The following BOLL variants were observed in gnomAD, a reference collection of about 807,000 sequenced individuals.
BOLL encodes the protein protein boule-like.
Under a neutral mutation model 44.4 loss-of-function variants are expected in BOLL, and 23 were observed. The observed-to-expected ratio is 0.52, with a 90% CI of 0.37 to 0.73. The LOEUF is 0.73. BOLL is among the 30% of genes least tolerant of loss of function. The pLI is 0.00. For missense variants in BOLL, 287 were observed against 338.3 expected (o/e 0.85, Z 1.19); for synonymous variants, 97 against 110.8 (o/e 0.88, Z 0.78).
chr2:197,735,565 G>T (rs2106316584), intron 10 of BOLL, among the ~76,000 whole-genome samples: 1 of 152,230 alleles, frequency 6.6e-6, no homozygotes, highest in East Asian at 1.9e-4. Context: ...GTATAGTTTA[G>T]ACGACTGTAC....
intron 10 of BOLL, among the ~76,000 whole-genome samples, chr2:197,731,382 A>G (rs1022458034): frequency 6.8e-6 from 1 of 146,178 alleles, no homozygotes; most frequent in Non-Finnish European, 1.5e-5. Flanking sequence ...TTAACACCCC[A>G]CTGTCAACAT....
chr2:197,749,116 C>A (rs1262011456), intron 9 of BOLL, among the ~76,000 whole-genome samples: 1 of 152,202 alleles, frequency 6.6e-6, no homozygotes, highest in Non-Finnish European at 1.5e-5. Context: ...GGATCTCCAG[C>A]AAACTCCTAC....
chr2:197,778,270 C>G (rs1292038907), intron 3 of BOLL, among the ~76,000 whole-genome samples: 1 of 151,822 alleles, frequency 6.6e-6, no homozygotes, highest in Non-Finnish European at 1.5e-5. Flanking sequence ...TTTTCTTATG[C>G]CTATAAATAT....
intron 10 of BOLL, among the ~76,000 whole-genome samples, chr2:197,734,520 C>T (rs1004474609): frequency 2.6e-5 from 4 of 151,872 alleles, no homozygotes; most frequent in Non-Finnish European, 2.9e-5. Flanking sequence ...GTATGTTTAT[C>T]ACGGCACTAT....
Position 197,728,717 on chromosome 2 carries a change from C to T in BOLL, c.829-139G>A, listed in dbSNP as rs147898891. The T allele has an allele frequency of 2.6e-3, 1,565 of 610,308 alleles. 46 individuals are homozygous for T. In the Admixed American group the frequency reaches 0.05, roughly 20 times the overall value. 37.8% of individuals were successfully genotyped at this position (610,308 alleles called of 1,614,324 possible). A position where few individuals can be genotyped will look rare whatever the true frequency, so the allele number is the denominator to read the frequency against. On this transcript the variant is annotated intron_variant, in intron 10 of 10. Transcript: ENST00000392296. ...TGGTACCAATTAAATTAGAATGTTA[C>T]AAAGTGAGAGGCTAGCAATTTAGGA...
rs1689584226 is a variant in BOLL, at chr2:197,777,759, A to G, written c.222-646T>C. 2.6e-5 allele frequency among the ~76,000 whole-genome samples: 4 copies of G among 151,980 alleles called. No homozygotes were observed. The South Asian group carries it at 6.2e-4, about 24-fold the overall frequency. ...GTCCAAAAAGCCACAATAGGTAGAG[A>G]AAAAAGTAACAAAAGAAAGAAAAAA... On this transcript the variant is annotated intron_variant, in intron 3 of 10. Coordinates refer to ENST00000392296, the MANE Select transcript of BOLL (RefSeq NM_033030.6).
At chr2:197,762,935 CA>C (rs1663494031) in intron 7 of BOLL, among the ~76,000 whole-genome samples, 2 of 151,780 alleles carry the variant, frequency 1.3e-5, no homozygotes, top group African/African-American at 4.8e-5. Context: ...ATTAACAAAA[CA>C]AAAGGTTGAC....
chr2:197,726,994 G>T lies in BOLL; in HGVS notation c.*1561C>A, dbSNP rs905649267. The T allele has an allele frequency of 1.3e-5, 2 of 152,566 alleles. No individual in the cohort carries two copies. Among genetic ancestry groups the T allele is most frequent in the Non-Finnish European group, 2.9e-5 (2 of 68,020 alleles). The allele number at this position is 152,566 out of a possible 1,614,324, so 9.5% of individuals were successfully genotyped here. On this transcript the variant is annotated 3_prime_UTR_variant, in exon 11 of 11. Coordinates refer to ENST00000392296, the MANE Select transcript of BOLL (RefSeq NM_033030.6). The stretch of plus-strand genomic sequence containing the variant: ...AAACTTTTTGGTTCTCAAGGATAGT[G>T]CTATTAAAAGAAAATCTTGAACATC...
At chr2:197,775,866 A>C in intron 4 of BOLL, 126 bp from the exon 5 acceptor site, 1 of 501,408 alleles carries the variant, frequency 2.0e-6, no homozygotes, top group East Asian at 3.8e-5. Context: ...AGCAGCAAGG[A>C]ATAGTGGGAA....
At chr2:197,778,864 G>T in intron 3 of BOLL, 111 bp downstream of exon 3, 2 of 784,222 alleles carry the variant, frequency 2.6e-6, no homozygotes, top group Non-Finnish European at 4.1e-6. Context: ...AAAGAAGAGG[G>T]CATGATGGTC....
rs1317427205 is a variant in BOLL, at chr2:197,766,622, A to G, written c.481-19T>C. 1 of 1,587,536 alleles carries G rather than the reference A, an allele frequency of 6.3e-7. No homozygotes were observed. ...AACGTGACTATAAAAGGATGGAAAAAGAAAAATTAGGCAGAAGCCTTTAAA... is the reference window on the plus strand; with the variant it reads ...AACGTGACTATAAAAGGATGGAAAAGGAAAAATTAGGCAGAAGCCTTTAAA... On this transcript the variant is annotated intron_variant, in intron 6 of 10. Coordinates refer to ENST00000392296, the MANE Select transcript of BOLL (RefSeq NM_033030.6).
At chr2:197,785,535 G>A (rs771018), upstream of BOLL, among the ~76,000 whole-genome samples, 75,104 of 151,968 alleles carry the variant, frequency 0.49, 19,229 homozygotes, top group African/African-American at 0.6. The surrounding 1 kb of genome is among the most constrained non-coding windows in gnomAD (Gnocchi z 6.7). Context: ...CAGACCTTCC[G>A]GTCCTCGCTG....
intron 10 of BOLL, among the ~76,000 whole-genome samples, chr2:197,738,505 A>G (rs16823400): frequency 0.19 from 29,195 of 152,036 alleles, 2,892 homozygotes; most frequent in East Asian, 0.27. Flanking sequence ...ATTTGATTTG[A>G]CAGAGTATGT....
rs923078388 is a variant in BOLL at position 197,785,248 on chromosome 2, C to T, written c.-208G>A. 9.4e-5 allele frequency: 93 copies of T among 985,756 alleles called. No homozygotes were observed. The highest frequency in any genetic ancestry group is 1.1e-4 in the Non-Finnish European group (91 of 829,926). 61.1% of individuals were successfully genotyped at this position (985,756 alleles called of 1,614,324 possible). On this transcript the variant is annotated 5_prime_UTR_variant, in exon 1 of 11. Coordinates refer to ENST00000392296, the MANE Select transcript of BOLL (RefSeq NM_033030.6). The surrounding 1 kb of genome is among the most constrained non-coding windows in gnomAD (Gnocchi z 6.7). ...AGGCTAGCCAGCGAGAAATTTTGCCCCACAAATCCGCCAGCAGCAGTGGCG... is the reference window on the plus strand; with the variant it reads ...AGGCTAGCCAGCGAGAAATTTTGCCTCACAAATCCGCCAGCAGCAGTGGCG...
intron 9 of BOLL, among the ~76,000 whole-genome samples, chr2:197,745,612 G>C (rs1687953806): frequency 6.6e-6 from 1 of 152,140 alleles, no homozygotes; most frequent in African/African-American, 2.4e-5. Flanking sequence ...CTCACTACCT[G>C]CTCCTGGCAA....
intron 10 of BOLL, among the ~76,000 whole-genome samples, chr2:197,742,594 C>T (rs1687797380): frequency 6.6e-6 from 1 of 151,382 alleles, no homozygotes; most frequent in African/African-American, 2.4e-5. Flanking sequence ...TGTTCTCACT[C>T]ATAGGTGGGA....
intron 10 of BOLL, among the ~76,000 whole-genome samples, chr2:197,729,682 G>A (rs1352996982): frequency 1.3e-5 from 2 of 152,206 alleles, no homozygotes; most frequent in Non-Finnish European, 2.9e-5. Flanking sequence ...CTAACTGGGA[G>A]GCACCCCCCA....
At chr2:197,754,787 A>AC in intron 9 of BOLL, among the ~76,000 whole-genome samples, 1 of 146,174 alleles carries the variant, frequency 6.8e-6, no homozygotes, top group African/African-American at 2.6e-5. Flanking sequence ...ACACACACAC[A>AC]AACCATAGAA....
chr2:197,749,881 G>C (rs1688157498), intron 9 of BOLL, among the ~76,000 whole-genome samples: 2 of 151,978 alleles, frequency 1.3e-5, no homozygotes, highest in South Asian at 4.2e-4. Flanking sequence ...AGAAAATACA[G>C]AGACCACCAG....
Sources: allele counts gnomAD v4.1 joint callset (sites outside exome capture counted in the v4.1 genomes callset), GRCh38; gene constraint gnomAD v4.1.1; non-coding constraint Gnocchi (gnomAD v3.1); transcripts MANE v1.5; gene names NCBI Gene and HGNC (gene_info 2026-07-23, HGNC 2026-07-21).